ZDHHC11B: variants seen among roughly 807,000 people sequenced by gnomAD.
ZDHHC11B encodes probable palmitoyltransferase ZDHHC11B.
A neutral mutation model predicts 42.3 loss-of-function variants in ZDHHC11B; 17 were observed. The observed-to-expected ratio is 0.40, with a 90% CI of 0.27 to 0.60. The LOEUF (loss-of-function observed/expected upper bound fraction) is 0.60, where lower values mean the gene tolerates loss of function less well. Among genes scored for constraint, ZDHHC11B ranks in the 20% least tolerant of loss-of-function variants. ZDHHC11B has a pLI of 0.41. For missense variants in ZDHHC11B, 262 were observed against 463.2 expected, an observed-to-expected ratio of 0.57 and a Z score of 3.99; for synonymous variants, 123 against 193.5, an observed-to-expected ratio of 0.64 and a Z score of 3.02.
intron 12 of ZDHHC11B, among the ~76,000 whole-genome samples, chr5:723,901 T>C (rs1274014181): frequency 7.1e-6 from 1 of 139,892 alleles, no homozygotes; most frequent in African/African-American, 2.6e-5. Context: ...GTGCAGCCTC[T>C]TGGGAGGGAG....
chr5:745,911 G>A (rs1250375756), intron 8 of ZDHHC11B, among the ~76,000 whole-genome samples: 1 of 149,658 alleles, frequency 6.7e-6, no homozygotes, highest in Non-Finnish European at 1.5e-5. Context: ...CACGAGTGCT[G>A]TGAGTGCCAC....
chr5:729,064 A>G (rs1344670266), intron 12 of ZDHHC11B, among the ~76,000 whole-genome samples: 2 of 149,740 alleles, frequency 1.3e-5, no homozygotes, highest in Non-Finnish European at 3.0e-5. Flanking sequence ...GGTTGGGAGG[A>G]TGAGGCCAGC....
chr5:757,874 G>C (rs1208127040), intron 4 of ZDHHC11B, among the ~76,000 whole-genome samples: 2 of 151,868 alleles, frequency 1.3e-5, no homozygotes, highest in Admixed American at 1.3e-4. Context: ...CAGGCCCTGG[G>C]GGACTCACAT....
rs2150224176 is a variant in ZDHHC11B at position 767,285 on chromosome 5, G to A, written c.-1+107C>T. On this transcript the variant is annotated intron_variant, in intron 3 of 13. Transcript: ENST00000508859. ...GACCTGAGCTGCCATCTGGACGGCT[G>A]CGGGATGGCCCTCTCCCCACCCACA... The A allele has an allele frequency of 7.7e-6, 10 of 1,301,682 alleles. No individual in the cohort carries two copies. In the South Asian group the frequency reaches 7.9e-5, roughly 10 times the overall value. 80.6% of individuals were successfully genotyped at this position (1,301,682 alleles called of 1,614,324 possible). A position where few individuals can be genotyped will look rare whatever the true frequency, so the allele number is the denominator to read the frequency against.
chr5:767,334 C>T (rs1735587127), intron 3 of ZDHHC11B, 58 bp downstream of exon 3: 14 of 1,552,810 alleles, frequency 9.0e-6, no homozygotes, highest in Non-Finnish European at 1.1e-5. Context: ...CCGGGTCCCA[C>T]ACCAGGGCGC....
chr5:739,446 T>C (rs1743918284), intron 10 of ZDHHC11B, among the ~76,000 whole-genome samples: 1 of 150,842 alleles, frequency 6.6e-6, no homozygotes, highest in Admixed American at 6.6e-5. Flanking sequence ...CATCAAAAAG[T>C]GGGCAACATT....
At chr5:764,002 C>T (rs774545499) in intron 4 of ZDHHC11B, among the ~76,000 whole-genome samples, 7 of 151,944 alleles carry the variant, frequency 4.6e-5, no homozygotes, top group Non-Finnish European at 1.0e-4. Flanking sequence ...AAAGACGCCA[C>T]AGGAACAAGT....
chr5:764,400 C>T (rs1446049188), intron 4 of ZDHHC11B, among the ~76,000 whole-genome samples: 11 of 149,830 alleles, frequency 7.3e-5, no homozygotes, highest in Admixed American at 2.7e-4. Context: ...GAGGCACAGG[C>T]GGGAACCCAG....
intron 9 of ZDHHC11B, among the ~76,000 whole-genome samples, chr5:743,516 T>G (rs540727886): frequency 6.7e-6 from 1 of 148,866 alleles, no homozygotes; most frequent in South Asian, 2.3e-4. Flanking sequence ...ATTGCCCTTT[T>G]AATAGTATTT....
rs1178968972 is a variant in ZDHHC11B at position 775,770 on chromosome 5, C to G, written c.-229-6840G>C. Among the ~76,000 whole-genome samples, 5 of 151,824 alleles carry G rather than the reference C, an allele frequency of 3.3e-5. No individual in the cohort carries two copies. The South Asian group carries it at 1.0e-3, about 32-fold the overall frequency. Reference sequence around the variant, plus strand: ...GGCAGGGGCCATGCTGGCTCAGATGCCTCTCTCCAACCCCTTCCTTCCATG... The same window carrying G: ...GGCAGGGGCCATGCTGGCTCAGATGGCTCTCTCCAACCCCTTCCTTCCATG... On this transcript the variant is annotated intron_variant, in intron 1 of 13. Transcript: ENST00000508859.
chr5:766,569 G>A, intron 4 of ZDHHC11B, 129 bp downstream of exon 4: 1 of 1,065,536 alleles, frequency 9.4e-7, no homozygotes. Context: ...AGGCTCGGGG[G>A]ACATAGTCTG....
chr5:764,133 G>A (rs1044779391), intron 4 of ZDHHC11B, among the ~76,000 whole-genome samples: 15 of 151,950 alleles, frequency 9.9e-5, no homozygotes, highest in South Asian at 6.2e-4. Context: ...GCACCACAGC[G>A]ATACACACCA....
At chr5:751,381 GCACAGC>G (rs1745651555) in intron 6 of ZDHHC11B, 124 bp from the exon 7 acceptor site, 1 of 84,424 alleles carries the variant, frequency 1.2e-5, no homozygotes, top group East Asian at 3.5e-4. Flanking sequence ...GGCGTGGGGG[GCACAGC>G]GGCAGGGGGC....
chr5:783,884 C>G (rs887118117), intron 1 of ZDHHC11B, among the ~76,000 whole-genome samples: 1 of 148,904 alleles, frequency 6.7e-6, no homozygotes, highest in Non-Finnish European at 1.5e-5. Flanking sequence ...CAGCAGCCCC[C>G]CTAAACGCTT....
intron 1 of ZDHHC11B, among the ~76,000 whole-genome samples, chr5:776,847 C>CAA (rs1561204271): frequency 6.6e-6 from 1 of 151,888 alleles, no homozygotes; most frequent in African/African-American, 2.4e-5. Context: ...GCAGCACAGC[C>CAA]CTTTGGCAGA....
In ZDHHC11B at chr5:715,618, A is replaced by G. The variant is rs1741690341; in HGVS notation, c.*7+1183T>C. Reference sequence around the variant, plus strand: ...TGTCTTCTCATCTCAACTTGTCTCCAATTATGATTTTGACTCCTGCCTCAT... The same window carrying G: ...TGTCTTCTCATCTCAACTTGTCTCCGATTATGATTTTGACTCCTGCCTCAT... On this transcript the variant is annotated intron_variant, in intron 13 of 13. Coordinates refer to ENST00000508859, the MANE Select transcript of ZDHHC11B (RefSeq NM_001351303.2). Among the ~76,000 whole-genome samples the G allele has an allele frequency of 1.3e-5, 2 of 151,688 alleles. 1 individual carries two copies. Among genetic ancestry groups the G allele is most frequent in the Admixed American group, 1.3e-4 (2 of 15,224 alleles).
Position 724,924 on chromosome 5 carries a change from C to T in ZDHHC11B, c.1058+5510G>A, listed in dbSNP as rs1387884406. 5.4e-4 allele frequency among the ~76,000 whole-genome samples: 80 copies of T among 147,328 alleles called. 1 individual carries two copies. Among genetic ancestry groups the T allele is most frequent in the African/African-American group, 1.9e-3 (75 of 39,436 alleles). On this transcript the variant is annotated intron_variant, in intron 12 of 13. Transcript: ENST00000508859. ...TGCCGCATTTCAGACTGGTTGCAGA[C>T]ATCTGCACCCCTCGCTGAGATGCAC...
chr5:724,698 G>A lies in ZDHHC11B; in HGVS notation c.1058+5736C>T, dbSNP rs1697971. Among the ~76,000 whole-genome samples, 29 of 149,360 alleles carry A rather than the reference G, an allele frequency of 1.9e-4. No homozygotes were observed. In the South Asian group the frequency reaches 6.2e-3, roughly 32 times the overall value. ...ACACACACACACACACAGACACACAGATGCATACTATTTATTCCCCACCTG... is the reference window on the plus strand; with the variant it reads ...ACACACACACACACACAGACACACAAATGCATACTATTTATTCCCCACCTG... On this transcript the variant is annotated intron_variant, in intron 12 of 13. Transcript: ENST00000508859.
At chr5:716,366 C>T (rs1388561025) in intron 13 of ZDHHC11B, among the ~76,000 whole-genome samples, 1 of 151,620 alleles carries the variant, frequency 6.6e-6, no homozygotes, top group Non-Finnish European at 1.5e-5. Context: ...GGTTAAATTT[C>T]ACTGCATTCT....
Sources: allele counts gnomAD v4.1 joint callset (sites outside exome capture counted in the v4.1 genomes callset), GRCh38; gene constraint gnomAD v4.1.1; transcripts MANE v1.5; gene names NCBI Gene and HGNC (gene_info 2026-07-23, HGNC 2026-07-21).